Variants in OSTN observed in about 807,000 individuals in gnomAD.
The protein encoded by OSTN is osteocrin.
In OSTN, 9 loss-of-function variants were observed where a neutral mutation model predicts 12.0. The observed-to-expected ratio is 0.75, with a 90% CI of 0.45 to 1.30. OSTN has a LOEUF of 1.30. Among genes scored for constraint, OSTN ranks in the 50% most tolerant of loss-of-function variants. The probability of loss-of-function intolerance (pLI) is 0.00; values close to 1 mark genes in which losing one functional copy is unlikely to be tolerated. For synonymous variants in OSTN, 59 were observed against 56.9 expected, an observed-to-expected ratio of 1.04 and a Z score of -0.16; for missense variants, 148 against 152.3, an observed-to-expected ratio of 0.97 and a Z score of 0.15.
chr3:191,212,417 C>A (rs1202794125), intron 1 of OSTN, 116 bp from the exon 2 acceptor site: 6 of 423,728 alleles, frequency 1.4e-5, no homozygotes, highest in Non-Finnish European at 2.1e-5. Flanking sequence ...CTCAAATATA[C>A]TGAAGCCGAA....
At chr3:191,242,405 C>T (rs1715341492) in intron 3 of OSTN, among the ~76,000 whole-genome samples, 1 of 152,138 alleles carries the variant, frequency 6.6e-6, no homozygotes, top group African/African-American at 2.4e-5. Context: ...ATGAATTATA[C>T]CTGGATTCAA....
chr3:191,215,908 A>C (rs1230888565), intron 2 of OSTN, among the ~76,000 whole-genome samples: 2 of 152,118 alleles, frequency 1.3e-5, no homozygotes, highest in Non-Finnish European at 2.9e-5. Context: ...ACTGTGGCCC[A>C]CTTCTCACAG....
At chr3:191,238,338 G>A (rs1343427356) in intron 3 of OSTN, among the ~76,000 whole-genome samples, 5 of 152,084 alleles carry the variant, frequency 3.3e-5, no homozygotes, top group Admixed American at 3.3e-4. Context: ...ATGCAGGAGG[G>A]GGAAAAATGC....
In OSTN at chr3:191,218,768, G is replaced by T. The variant is rs138575978; in HGVS notation, c.124G>T (p.Asp42Tyr). The T allele has an allele frequency of 5.0e-6, 8 of 1,614,026 alleles. No homozygotes were observed. The African/African-American group carries it at 1.1e-4, about 22-fold the overall frequency. Residue 42 changes from aspartate (D) to tyrosine (Y), a missense_variant, in exon 3 of 5, where the codon GAT becomes TAT. Physicochemically the swap from Asp to Tyr is radical, Grantham distance 160 (BLOSUM62 -3). Coordinates refer to ENST00000682035, the MANE Select transcript of OSTN (RefSeq NM_198184.2). Reference protein sequence around the residue: ...TTEAFDSGVIDVQSTPTVREE... With the variant: ...TTEAFDSGVIYVQSTPTVREE... ...ATAGGCCTTTGATTCTGGAGTCATAGATGTGCAGTCAACACCCACAGTCAG... is the reference window on the plus strand; with the variant it reads ...ATAGGCCTTTGATTCTGGAGTCATATATGTGCAGTCAACACCCACAGTCAG...
chr3:191,231,741 T>C (rs1193099465), intron 3 of OSTN, among the ~76,000 whole-genome samples: 1 of 152,186 alleles, frequency 6.6e-6, no homozygotes, highest in Non-Finnish European at 1.5e-5. Context: ...GAGAAGGTAA[T>C]ACATCTGAGA....
At chr3:191,237,452 T>C (rs906404842) in intron 3 of OSTN, among the ~76,000 whole-genome samples, 2 of 152,172 alleles carry the variant, frequency 1.3e-5, no homozygotes, top group Non-Finnish European at 2.9e-5. Flanking sequence ...GGTGGAAGTT[T>C]ATTAAAAAGC....
chr3:191,249,680 A>G (rs190764572), intron 3 of OSTN, among the ~76,000 whole-genome samples: 118 of 152,320 alleles, frequency 7.7e-4, no homozygotes, highest in Admixed American at 6.9e-3. Context: ...AATATTCACA[A>G]AATAACAGAA....
intron 4 of OSTN, among the ~76,000 whole-genome samples, chr3:191,260,735 A>G (rs1328271854): frequency 6.6e-6 from 1 of 152,124 alleles, no homozygotes; most frequent in Non-Finnish European, 1.5e-5. Flanking sequence ...ACCAGGAAAG[A>G]CTGCTCCCAC....
At chr3:191,219,011 T>A (rs1433134297) in intron 3 of OSTN, 50 bp downstream of exon 3, 2 of 1,482,438 alleles carry the variant, frequency 1.3e-6, no homozygotes, top group Non-Finnish European at 1.8e-6. Flanking sequence ...TATTTCCTTC[T>A]GGATTCTAAA....
intron 4 of OSTN, among the ~76,000 whole-genome samples, chr3:191,258,659 T>TAA (rs71635349): frequency 2.0e-4 from 28 of 142,114 alleles, no homozygotes; most frequent in East Asian, 4.1e-4. Context: ...AAAGTATAAT[T>TAA]AAAAAAAAAA....
intron 2 of OSTN, among the ~76,000 whole-genome samples, chr3:191,217,578 G>C (rs945356492): frequency 1.8e-4 from 27 of 152,160 alleles, no homozygotes; most frequent in African/African-American, 5.6e-4. Context: ...GTTAATAGGA[G>C]CATTTAAGAA....
chr3:191,261,851 C>A (rs570867040), intron 4 of OSTN, among the ~76,000 whole-genome samples: 9 of 152,296 alleles, frequency 5.9e-5, no homozygotes, highest in African/African-American at 1.7e-4. Context: ...ATGTTCCTAG[C>A]TTTTCTAGAT....
intron 1 of OSTN, among the ~76,000 whole-genome samples, chr3:191,210,308 G>A (rs1714386565): frequency 2.0e-5 from 3 of 152,134 alleles, no homozygotes; most frequent in African/African-American, 7.2e-5. Flanking sequence ...ACGGCAGTGC[G>A]TTAGCAGTGG....
intron 1 of OSTN, among the ~76,000 whole-genome samples, chr3:191,209,736 T>A (rs1714370283): frequency 6.6e-6 from 1 of 152,124 alleles, no homozygotes; most frequent in Non-Finnish European, 1.5e-5. Flanking sequence ...CATGTAACAT[T>A]GATTATTAAA....
intron 1 of OSTN, among the ~76,000 whole-genome samples, chr3:191,200,466 C>T (rs970308664): frequency 2.0e-5 from 3 of 152,120 alleles, no homozygotes; most frequent in Non-Finnish European, 4.4e-5. Context: ...TTTACAAATA[C>T]TCTCAATGAT....
At chr3:191,221,513 C>T (rs1015497488) in intron 3 of OSTN, among the ~76,000 whole-genome samples, 2 of 152,058 alleles carry the variant, frequency 1.3e-5, no homozygotes, top group African/African-American at 4.8e-5. Flanking sequence ...AGATGAGGAA[C>T]TTGTTGGGAA....
At position 191,253,801 on chromosome 3, in the gene OSTN, T is replaced by A. The variant is rs540559677; in HGVS notation, c.*12+3668T>A. ...TGCAAATTCTCTACAGATCTACAGATGCAAATTTCCCCCACAGAAGACACA... is the reference window on the plus strand; with the variant it reads ...TGCAAATTCTCTACAGATCTACAGAAGCAAATTTCCCCCACAGAAGACACA... On this transcript the variant is annotated intron_variant, in intron 4 of 4. Transcript: ENST00000682035. Among the ~76,000 whole-genome samples, 9 of 152,350 alleles carry A rather than the reference T, an allele frequency of 5.9e-5. 2 individuals are homozygous for A. Among genetic ancestry groups the A allele is most frequent in the African/African-American group, 1.9e-4 (8 of 41,588 alleles).
Position 191,218,773 on chromosome 3 carries a change from G to T in OSTN, c.129G>T (p.Val43=). 8 of 1,614,006 alleles carry T rather than the reference G, an allele frequency of 5.0e-6. No homozygotes were observed. The highest frequency in any genetic ancestry group is 6.8e-6 in the Non-Finnish European group (8 of 1,179,960). The change falls in exon 3 of 5, where the codon GTG becomes GTT. Residue 43 remains valine, a synonymous_variant. Transcript: ENST00000682035. ...TEAFDSGVID[V]QSTPTVREEK... ...CCTTTGATTCTGGAGTCATAGATGT[G>T]CAGTCAACACCCACAGTCAGGGAAG...
intron 4 of OSTN, among the ~76,000 whole-genome samples, chr3:191,259,187 G>A (rs1228166158): frequency 7.3e-6 from 1 of 137,344 alleles, no homozygotes; most frequent in Non-Finnish European, 1.6e-5. Flanking sequence ...GAAAGTAAAC[G>A]GGAAAACAAT....
Sources: gnomAD v4.1 joint callset for allele counts (sites outside exome capture counted in the v4.1 genomes callset) on GRCh38, gnomAD v4.1.1 for gene constraint, MANE v1.5 for transcripts, NCBI Gene and HGNC (gene_info 2026-07-23, HGNC 2026-07-21) for gene names.